EIF2AK4: variants seen among roughly 807,000 people sequenced by gnomAD.
The protein encoded by EIF2AK4 is eukaryotic translation initiation factor 2 alpha kinase 4.
EIF2AK4 carries 139 observed loss-of-function variants against 211.1 expected under a neutral mutation model. The observed-to-expected ratio is 0.66, with a 90% confidence interval of 0.57 to 0.76. The LOEUF is 0.76. EIF2AK4 is among the 30% of genes least tolerant of loss of function. The pLI is 0.00. For synonymous variants in EIF2AK4, 710 were observed against 751.3 expected, an observed-to-expected ratio of 0.94 and a Z score of 0.90; for missense variants, 1,664 against 2,043.8, an observed-to-expected ratio of 0.81 and a Z score of 3.58.
intron 35 of EIF2AK4, among the ~76,000 whole-genome samples, chr15:40,031,796 G>A (rs1180716671): frequency 1.3e-5 from 2 of 151,694 alleles, no homozygotes; most frequent in Non-Finnish European, 2.9e-5. Context: ...TGCAACATCA[G>A]CTCACCACAA....
intron 3 of EIF2AK4, among the ~76,000 whole-genome samples, chr15:39,944,455 G>A (rs937179381): frequency 6.8e-4 from 44 of 65,008 alleles, no homozygotes; most frequent in African/African-American, 3.9e-3. Context: ...TTTTTGAGGC[G>A]GAGTCTTGCT....
At chr15:39,974,842 G>A (rs2034672509) in intron 11 of EIF2AK4, 1 of 152,204 alleles carries the variant, frequency 6.6e-6, no homozygotes, top group Non-Finnish European at 1.5e-5. Flanking sequence ...CTGTGCTTCT[G>A]TGTCAGAGTA....
chr15:39,938,000 T>C (rs1470758607), intron 1 of EIF2AK4, among the ~76,000 whole-genome samples: 3 of 152,258 alleles, frequency 2.0e-5, no homozygotes, highest in East Asian at 3.8e-4. Flanking sequence ...TCAGCTTCAA[T>C]GCTACATCCT....
intron 6 of EIF2AK4, among the ~76,000 whole-genome samples, chr15:39,959,177 A>G (rs1346928614): frequency 6.6e-6 from 1 of 152,206 alleles, no homozygotes; most frequent in Non-Finnish European, 1.5e-5. Context: ...TGATGATGAG[A>G]CCAGAGTCAT....
chr15:39,976,910 T>A (rs542231469), intron 12 of EIF2AK4, 66 bp downstream of exon 12: 1,255 of 1,404,246 alleles, frequency 8.9e-4, no homozygotes, highest in Non-Finnish European at 1.1e-3. Context: ...TATTTTTTTT[T>A]CCTTTTTCCT....
intron 1 of EIF2AK4, among the ~76,000 whole-genome samples, chr15:39,938,794 A>C (rs1467365472): frequency 6.6e-6 from 1 of 152,198 alleles, no homozygotes; most frequent in South Asian, 2.1e-4. Context: ...AAAGTTGGTA[A>C]GGTGCCTGGA....
chr15:39,977,145 AAAAAC>A (rs1379102634), intron 12 of EIF2AK4: 2 of 314,938 alleles, frequency 6.4e-6, no homozygotes, highest in Non-Finnish European at 1.2e-5. Flanking sequence ...AAACAAAAAC[AAAAAC>A]AAAACAAAAC....
chr15:39,999,584 C>CT (rs1249643792), intron 20 of EIF2AK4, among the ~76,000 whole-genome samples: 1 of 152,142 alleles, frequency 6.6e-6, no homozygotes, highest in Non-Finnish European at 1.5e-5. Flanking sequence ...CTTTTCTAGA[C>CT]TTTAATTTCC....
rs1165435518 is a variant in EIF2AK4, at chr15:39,949,214, G to A, written c.459G>A (p.Arg153=). 2 of 1,614,112 alleles carry A rather than the reference G, an allele frequency of 1.2e-6. No individual in the cohort carries two copies. The highest frequency in any genetic ancestry group is 1.7e-6 in the Non-Finnish European group (2 of 1,180,008). Residue 153 remains arginine (R), a synonymous_variant, in exon 4 of 39, where the codon CGG becomes CGA. Coordinates refer to ENST00000263791, the MANE Select transcript of EIF2AK4 (RefSeq NM_001013703.4). ...KSFHEEMLER[R]AQEEQQRLLE... is the part of the protein sequence containing the mutation. ...TTCATGAAGAAATGCTGGAAAGGCGGGCTCAGGAGGAGCAGCAGAGGCTGT... is the reference window on the plus strand; with the variant it reads ...TTCATGAAGAAATGCTGGAAAGGCGAGCTCAGGAGGAGCAGCAGAGGCTGT...
Position 40,001,183 on chromosome 15 carries a change from T to A in EIF2AK4, c.3118T>A (p.Ser1040Thr). 2 of 1,613,818 alleles carry A rather than the reference T, an allele frequency of 1.2e-6. No individual in the cohort carries two copies. Among genetic ancestry groups the A allele is most frequent in the Non-Finnish European group, 1.7e-6 (2 of 1,179,960 alleles). ...MMAQIFSQRISPAIDYTYDSD... is the reference protein window; with the variant it reads ...MMAQIFSQRITPAIDYTYDSD... ...GGCCCAGATCTTCTCGCAGCGCATCTCCCCTGCCATCGATTACACCTATGA... is the reference window on the plus strand; with the variant it reads ...GGCCCAGATCTTCTCGCAGCGCATCACCCCTGCCATCGATTACACCTATGA... Residue 1040 changes from serine to threonine, a missense_variant, in exon 21 of 39, where the codon TCC becomes ACC. Ser to Thr is a moderately conservative substitution (Grantham distance 58). Coordinates refer to ENST00000263791, the MANE Select transcript of EIF2AK4 (RefSeq NM_001013703.4).
At chr15:40,031,422 G>C (rs964294457) in intron 35 of EIF2AK4, among the ~76,000 whole-genome samples, 18 of 152,100 alleles carry the variant, frequency 1.2e-4, no homozygotes, top group African/African-American at 4.1e-4. Context: ...TGTTTCTCAG[G>C]ATTTGGGTGG....
intron 13 of EIF2AK4, among the ~76,000 whole-genome samples, chr15:39,983,316 T>C (rs2140923113): frequency 1.3e-5 from 2 of 152,382 alleles, no homozygotes; most frequent in East Asian, 1.9e-4. Context: ...TGAGCTTTTT[T>C]TCATGTGTTT....
intron 2 of EIF2AK4, among the ~76,000 whole-genome samples, chr15:39,940,936 T>G (rs2034136727): frequency 6.6e-6 from 1 of 152,128 alleles, no homozygotes; most frequent in Non-Finnish European, 1.5e-5. Flanking sequence ...TTGCGATAAT[T>G]GCTAGAATGC....
At chr15:39,994,058 G>A (rs947649632) in intron 18 of EIF2AK4, among the ~76,000 whole-genome samples, 5 of 152,190 alleles carry the variant, frequency 3.3e-5, no homozygotes, top group Non-Finnish European at 7.3e-5. Context: ...TTTGACTGAA[G>A]TGAGGAAACC....
chr15:40,030,061 C>T (rs1316459541), intron 34 of EIF2AK4, among the ~76,000 whole-genome samples: 1 of 152,156 alleles, frequency 6.6e-6, no homozygotes, highest in Non-Finnish European at 1.5e-5. Context: ...TGGTGATATT[C>T]AGCTTGATTT....
At chr15:39,999,499 A>G (rs1345487675) in intron 20 of EIF2AK4, among the ~76,000 whole-genome samples, 2 of 152,196 alleles carry the variant, frequency 1.3e-5, no homozygotes, top group African/African-American at 4.8e-5. Flanking sequence ...AATGTTGAGA[A>G]CAAAAGCATA....
At chr15:40,001,684 C>G (rs1009198897) in intron 21 of EIF2AK4, among the ~76,000 whole-genome samples, 1 of 151,594 alleles carries the variant, frequency 6.6e-6, no homozygotes, top group Admixed American at 6.6e-5. Context: ...ATCCCTAGCC[C>G]AAACGCCCAG....
intron 31 of EIF2AK4, chr15:40,022,256 T>G (rs1672502898): frequency 3.0e-6 from 1 of 331,694 alleles, no homozygotes; most frequent in Non-Finnish European, 5.5e-6. Context: ...TATTAAGTCT[T>G]GAAGCTTTTG....
intron 33 of EIF2AK4, among the ~76,000 whole-genome samples, chr15:40,028,640 C>T (rs2035498155): frequency 6.6e-6 from 1 of 152,112 alleles, no homozygotes; most frequent in African/African-American, 2.4e-5. Context: ...CTTCTCATGC[C>T]CCCACCCCTT....
Sources: gnomAD v4.1 joint callset for allele counts (sites outside exome capture counted in the v4.1 genomes callset) on GRCh38, gnomAD v4.1.1 for gene constraint, MANE v1.5 for transcripts, NCBI Gene and HGNC (gene_info 2026-07-23, HGNC 2026-07-21) for gene names.